The following SLIT3 variants were observed in gnomAD, a reference collection of about 807,000 sequenced individuals.
SLIT3 encodes slit homolog 3 protein.
A neutral mutation model predicts 184.0 loss-of-function variants in SLIT3; 68 were observed. The ratio of observed to expected loss-of-function variants is 0.37; its 90% CI spans 0.30 to 0.45. SLIT3 has a LOEUF of 0.45. SLIT3 is among the 20% of genes least tolerant of loss of function. The pLI, the probability that SLIT3 is intolerant of heterozygous loss-of-function variation, is 1.00. For synonymous variants in SLIT3, 831 were observed against 828.6 expected (o/e 1.00, Z -0.05); for missense variants, 1,707 against 2,026.0 (o/e 0.84, Z 3.02).
At chr5:169,004,782 G>C (rs941221959) in intron 4 of SLIT3, among the ~76,000 whole-genome samples, 1 of 152,098 alleles carries the variant, frequency 6.6e-6, no homozygotes, top group African/African-American at 2.4e-5. Context: ...CTTATAGGAA[G>C]GGTCCAGAGA....
At chr5:169,165,491 T>C (rs297819) in intron 4 of SLIT3, among the ~76,000 whole-genome samples, 119,648 of 152,254 alleles carry the variant, frequency 0.79, 47,265 homozygotes, top group East Asian at 0.89. Context: ...ACTATGCATC[T>C]TGCACTATTC....
At chr5:169,279,387 T>C (rs563524010) in intron 1 of SLIT3, among the ~76,000 whole-genome samples, 44 of 152,286 alleles carry the variant, frequency 2.9e-4, no homozygotes, top group Middle Eastern at 3.4e-3. Context: ...CAGCACCTTA[T>C]GTTAGGCAGT....
intron 6 of SLIT3, among the ~76,000 whole-genome samples, chr5:168,825,387 C>G (rs898050334): frequency 6.6e-6 from 1 of 152,170 alleles, no homozygotes; most frequent in East Asian, 1.9e-4. Flanking sequence ...CCAGACTATC[C>G]GTGTAATCCC....
At chr5:168,979,606 G>C (rs181712455) in intron 4 of SLIT3, among the ~76,000 whole-genome samples, 42 of 152,344 alleles carry the variant, frequency 2.8e-4, no homozygotes, top group Admixed American at 1.7e-3. Flanking sequence ...GACAAGGGCA[G>C]TGTTTGAACC....
At chr5:169,296,119 G>A (rs1767495698) in intron 1 of SLIT3, among the ~76,000 whole-genome samples, 1 of 152,154 alleles carries the variant, frequency 6.6e-6, no homozygotes, top group African/African-American at 2.4e-5. Context: ...CATGTCATAG[G>A]TTACTAGTGA....
intron 4 of SLIT3, among the ~76,000 whole-genome samples, chr5:169,176,806 T>TCA: frequency 6.6e-6 from 1 of 152,300 alleles, no homozygotes; most frequent in Admixed American, 6.5e-5. Context: ...TCACAGGCTG[T>TCA]AGTCTGCCCA....
At chr5:169,268,231 G>A (rs996761400) in intron 1 of SLIT3, among the ~76,000 whole-genome samples, 4 of 152,182 alleles carry the variant, frequency 2.6e-5, no homozygotes, top group Non-Finnish European at 5.9e-5. Flanking sequence ...GCGGAGGGGG[G>A]AATGTGATGC....
chr5:168,969,671 G>T (rs1387300873), intron 4 of SLIT3, among the ~76,000 whole-genome samples: 1 of 152,214 alleles, frequency 6.6e-6, no homozygotes, highest in African/African-American at 2.4e-5. Context: ...GGAGCTGACA[G>T]CTTGATAAAT....
intron 3 of SLIT3, 95 bp downstream of exon 3, chr5:169,244,610 G>A: frequency 9.3e-7 from 1 of 1,073,628 alleles, no homozygotes; most frequent in East Asian, 2.6e-5. Context: ...TTTTTAACAA[G>A]GTTATAAGGC....
At chr5:169,187,834 G>A (rs976390870) in intron 4 of SLIT3, among the ~76,000 whole-genome samples, 6 of 150,844 alleles carry the variant, frequency 4.0e-5, no homozygotes, top group South Asian at 4.2e-4. Context: ...GATTACAGGC[G>A]TCAGCTACCG....
At chr5:168,912,955 T>C (rs1020693647) in intron 4 of SLIT3, among the ~76,000 whole-genome samples, 2 of 152,220 alleles carry the variant, frequency 1.3e-5, no homozygotes, top group African/African-American at 4.8e-5. Context: ...TATTCCACCC[T>C]GTCTGGCTGG....
At chr5:169,013,551 G>A (rs895680254) in intron 4 of SLIT3, among the ~76,000 whole-genome samples, 1 of 152,182 alleles carries the variant, frequency 6.6e-6, no homozygotes, top group East Asian at 1.9e-4. Context: ...GGGCTACCTG[G>A]ATGCTTATTA....
At chr5:169,213,715 G>A (rs1764345737) in intron 3 of SLIT3, among the ~76,000 whole-genome samples, 1 of 152,064 alleles carries the variant, frequency 6.6e-6, no homozygotes, top group South Asian at 2.1e-4. Flanking sequence ...ACTGTCTATG[G>A]TCTCCCACTA....
chr5:169,146,619 C>T (rs1316075618), intron 4 of SLIT3, among the ~76,000 whole-genome samples: 2 of 152,162 alleles, frequency 1.3e-5, no homozygotes, highest in African/African-American at 4.8e-5. Context: ...ACCTGCACAC[C>T]TCTCACCCAC....
intron 4 of SLIT3, among the ~76,000 whole-genome samples, chr5:168,927,845 C>G (rs781004166): frequency 6.6e-6 from 1 of 152,250 alleles, no homozygotes; most frequent in Non-Finnish European, 1.5e-5. Context: ...TACTGCAGGA[C>G]TGGGTGCCTA....
At chr5:169,027,038 G>A (rs1390140401) in intron 4 of SLIT3, among the ~76,000 whole-genome samples, 3 of 152,168 alleles carry the variant, frequency 2.0e-5, no homozygotes, top group African/African-American at 4.8e-5. Flanking sequence ...AGATGACAGT[G>A]GATCATGTTT....
chr5:169,039,400 T>G (rs1317451029), intron 4 of SLIT3, among the ~76,000 whole-genome samples: 2 of 148,920 alleles, frequency 1.3e-5, no homozygotes, highest in Non-Finnish European at 3.0e-5. Flanking sequence ...CACTGCAAGC[T>G]CCACTTCCCG....
In SLIT3 at chr5:169,142,033, G is replaced by A. The variant is rs184366103; in HGVS notation, c.413+51446C>T. Among the ~76,000 whole-genome samples, 22 of 149,534 alleles carry A rather than the reference G, an allele frequency of 1.5e-4. No homozygotes were observed. In the East Asian group the frequency reaches 3.7e-3, roughly 25 times the overall value. On this transcript the variant is annotated intron_variant, in intron 4 of 35. Coordinates refer to ENST00000519560, the MANE Select transcript of SLIT3 (RefSeq NM_003062.4). ...CCAGTGCACTCCAGCCTGGGCGGCAGAGCGAGACTCCTACTCAAAAAAAAA... is the reference window on the plus strand; with the variant it reads ...CCAGTGCACTCCAGCCTGGGCGGCAAAGCGAGACTCCTACTCAAAAAAAAA...
chr5:168,763,166 G>A (rs6898206), intron 14 of SLIT3, among the ~76,000 whole-genome samples: 83,700 of 151,612 alleles, frequency 0.55, 23,268 homozygotes, highest in East Asian at 0.61. Context: ...AGGGGTAGGG[G>A]TAAATTATGG....
Sources: gnomAD v4.1 joint callset for allele counts (sites outside exome capture counted in the v4.1 genomes callset) on GRCh38, gnomAD v4.1.1 for gene constraint, MANE v1.5 for transcripts, NCBI Gene and HGNC (gene_info 2026-07-23, HGNC 2026-07-21) for gene names.